Variants in ZNF385D observed in about 807,000 individuals in gnomAD.
ZNF385D encodes the protein zinc finger protein 659.
In ZNF385D, 15 loss-of-function variants were observed where a neutral mutation model predicts 35.8. That is an observed-to-expected ratio of 0.42 (90% CI 0.28 to 0.64). The LOEUF (loss-of-function observed/expected upper bound fraction) is 0.64, where lower values mean the gene tolerates loss of function less well. Among genes scored for constraint, ZNF385D ranks in the 30% least tolerant of loss-of-function variants. ZNF385D has a pLI of 0.23. For missense variants in ZNF385D, 474 were observed against 494.6 expected (o/e 0.96, Z 0.39); for synonymous variants, 212 against 186.8 (o/e 1.13, Z -1.10).
chr3:22,010,244 T>C (rs1183297610), intron 3 of ZNF385D, among the ~76,000 whole-genome samples: 1 of 152,162 alleles, frequency 6.6e-6, no homozygotes, highest in East Asian at 1.9e-4. Flanking sequence ...CGTGGAATGA[T>C]CAGGAGCCAT....
intron 2 of ZNF385D, among the ~76,000 whole-genome samples, chr3:22,355,759 G>T (rs1696121255): frequency 6.6e-6 from 1 of 151,862 alleles, no homozygotes; most frequent in African/African-American, 2.4e-5. Context: ...GTATAAGAAA[G>T]GAACATTCAT....
At chr3:22,227,069 C>T (rs1698602032) in intron 2 of ZNF385D, among the ~76,000 whole-genome samples, 1 of 152,108 alleles carries the variant, frequency 6.6e-6, no homozygotes, top group African/African-American at 2.4e-5. Flanking sequence ...CAAGCCCAGA[C>T]CCACTAAATC....
At chr3:21,777,171 T>C (rs958190613) in intron 3 of ZNF385D, among the ~76,000 whole-genome samples, 1 of 152,016 alleles carries the variant, frequency 6.6e-6, no homozygotes, top group African/African-American at 2.4e-5. Context: ...GACTAGCTTC[T>C]GTATGCAATT....
chr3:22,068,558 C>A (rs899939410), intron 3 of ZNF385D, among the ~76,000 whole-genome samples: 2 of 152,176 alleles, frequency 1.3e-5, no homozygotes, highest in Admixed American at 1.3e-4. Context: ...TTTCTCCTAG[C>A]AGTTGGATCT....
At chr3:22,078,037 G>A (rs1317921125) in intron 3 of ZNF385D, among the ~76,000 whole-genome samples, 3 of 151,972 alleles carry the variant, frequency 2.0e-5, no homozygotes, top group Non-Finnish European at 4.4e-5. Context: ...TTTCAAAACT[G>A]AAGACAATCT....
At chr3:21,878,411 G>T (rs531206730) in intron 3 of ZNF385D, among the ~76,000 whole-genome samples, 1 of 152,026 alleles carries the variant, frequency 6.6e-6, no homozygotes, top group South Asian at 2.1e-4. Context: ...GAGTGCTACA[G>T]CAGTATGAAG....
chr3:22,090,797 C>T (rs1009184534), intron 3 of ZNF385D, among the ~76,000 whole-genome samples: 4 of 152,114 alleles, frequency 2.6e-5, no homozygotes, highest in African/African-American at 9.7e-5. Context: ...GGCCTCTGTA[C>T]CAGTAGAAGT....
chr3:22,215,524 A>G (rs1282142270), intron 2 of ZNF385D, among the ~76,000 whole-genome samples: 1 of 152,004 alleles, frequency 6.6e-6, no homozygotes, highest in Non-Finnish European at 1.5e-5. Context: ...TCCCAGGCTT[A>G]TTAGGACAAG....
chr3:22,005,988 C>A (rs1194520143), intron 3 of ZNF385D, among the ~76,000 whole-genome samples: 1 of 152,058 alleles, frequency 6.6e-6, no homozygotes, highest in Non-Finnish European at 1.5e-5. Context: ...CTCTCTCTCT[C>A]ACTCTTGAAT....
intron 1 of ZNF385D, among the ~76,000 whole-genome samples, chr3:21,693,057 A>G (rs1175002938): frequency 6.6e-6 from 1 of 152,178 alleles, no homozygotes; most frequent in Non-Finnish European, 1.5e-5. Flanking sequence ...CTAGCATCAC[A>G]CAGACAACTT....
chr3:21,862,217 G>A (rs1158536957), intron 3 of ZNF385D, among the ~76,000 whole-genome samples: 4 of 151,618 alleles, frequency 2.6e-5, no homozygotes, highest in Middle Eastern at 3.4e-3. Context: ...CCACATTTAA[G>A]TGATTAGGGA....
At chr3:21,775,897 A>T (rs949998443) in intron 3 of ZNF385D, among the ~76,000 whole-genome samples, 2 of 151,210 alleles carry the variant, frequency 1.3e-5, no homozygotes, top group African/African-American at 4.9e-5. Flanking sequence ...GAAAAATTTT[A>T]AAAAATAATG....
At chr3:22,236,031 T>C (rs1188223445) in intron 2 of ZNF385D, among the ~76,000 whole-genome samples, 2 of 152,118 alleles carry the variant, frequency 1.3e-5, no homozygotes, top group South Asian at 2.1e-4. Context: ...CATTGCAACA[T>C]TGATTGTAAC....
At chr3:21,736,184 C>T (rs1411780076) in intron 1 of ZNF385D, among the ~76,000 whole-genome samples, 2 of 152,066 alleles carry the variant, frequency 1.3e-5, no homozygotes, top group Non-Finnish European at 2.9e-5. Context: ...AACAGCCTTG[C>T]TTTAAGGAGT....
intron 2 of ZNF385D, among the ~76,000 whole-genome samples, chr3:21,570,262 C>A (rs911979678): frequency 2.6e-5 from 4 of 152,068 alleles, no homozygotes; most frequent in East Asian, 1.9e-4. Context: ...ACTGAAGAAC[C>A]TTTGCATTTC....
At chr3:21,743,525 G>A (rs73822044) in intron 1 of ZNF385D, among the ~76,000 whole-genome samples, 12,737 of 152,252 alleles carry the variant, frequency 0.084, 879 homozygotes, top group East Asian at 0.27. Flanking sequence ...AGTTCAAGGC[G>A]TAGGCCTGGT....
chr3:22,135,880 A>G (rs1158379861), intron 3 of ZNF385D, among the ~76,000 whole-genome samples: 1 of 151,900 alleles, frequency 6.6e-6, no homozygotes, highest in Non-Finnish European at 1.5e-5. Flanking sequence ...TAAATAAAGA[A>G]AGGTTAATCT....
rs571287283 is a variant in ZNF385D at position 22,114,397 on chromosome 3, C to T, written c.325+54420G>A. 9.2e-5 allele frequency among the ~76,000 whole-genome samples: 14 copies of T among 152,182 alleles called. 1 individual carries two copies. The South Asian group carries it at 2.9e-3, about 32-fold the overall frequency. On this transcript the variant is annotated intron_variant, in intron 3 of 5. Transcript: ENST00000494108. ...ACTCCCATCTACCTATCCATTTGTT[C>T]ATCATTTAACCAATATGTATCTTGG...
chr3:22,214,836 C>G (rs1697758685), intron 2 of ZNF385D, among the ~76,000 whole-genome samples: 1 of 152,010 alleles, frequency 6.6e-6, no homozygotes, highest in Admixed American at 6.6e-5. Flanking sequence ...TCCTGTGGTC[C>G]TGTAATCTCG....
Sources: gnomAD v4.1 joint callset for allele counts (sites outside exome capture counted in the v4.1 genomes callset) on GRCh38, gnomAD v4.1.1 for gene constraint, MANE v1.5 for transcripts, NCBI Gene and HGNC (gene_info 2026-07-23, HGNC 2026-07-21) for gene names.